C9orf43: variants seen among roughly 807,000 people sequenced by gnomAD.
The protein encoded by C9orf43 is chromosome 9 open reading frame 43.
Under a neutral mutation model 59.1 loss-of-function variants are expected in C9orf43, and 45 were observed. That is an observed-to-expected ratio of 0.76 (90% confidence interval 0.60 to 0.98). The LOEUF (loss-of-function observed/expected upper bound fraction) is 0.98. Ranked by LOEUF, C9orf43 falls within the 50% of genes least tolerant of loss-of-function variation. The pLI is 0.00. For missense variants in C9orf43, 533 were observed against 554.9 expected, an observed-to-expected ratio of 0.96 and a Z score of 0.40; for synonymous variants, 203 against 196.8, an observed-to-expected ratio of 1.03 and a Z score of -0.26.
Position 113,423,308 on chromosome 9 carries a change from C to G in C9orf43, c.484-18C>G. 1.2e-5 allele frequency: 19 copies of G among 1,611,498 alleles called. No individual in the cohort carries two copies. The highest frequency in any genetic ancestry group is 1.6e-5 in the Non-Finnish European group (19 of 1,177,980). Reference sequence around the variant, plus strand: ...AAAAGAATGCTTTGGAGAATTCTTTCCATTGTTTCTCTTCCAGAAAAGCAA... The same window carrying G: ...AAAAGAATGCTTTGGAGAATTCTTTGCATTGTTTCTCTTCCAGAAAAGCAA... On this transcript the variant is annotated intron_variant, in intron 6 of 13. Transcript: ENST00000374165.
chr9:113,428,794 G>T (rs1485394321), intron 12 of C9orf43, 106 bp from the exon 13 acceptor site: 5 of 983,452 alleles, frequency 5.1e-6, no homozygotes, highest in East Asian at 2.5e-5. Flanking sequence ...GTGGGTCTCT[G>T]GCTCATCTTA....
chr9:113,425,014 T>C lies in C9orf43; in HGVS notation c.808-5T>C. 6.2e-7 allele frequency: 1 copy of C among 1,610,108 alleles called. No individual in the cohort carries two copies. Among genetic ancestry groups the C allele is most frequent in the Non-Finnish European group, 8.5e-7 (1 of 1,179,682 alleles). On this transcript the variant is annotated splice_region_variant and splice_polypyrimidine_tract_variant and intron_variant, in intron 8 of 13. Transcript: ENST00000374165. ...AGCTTTTCTTTTTCTTTTTTCTTTC[T>C]CCAGAGACCAGCACTGCGATATCCT... is the stretch of plus-strand genomic sequence containing the variant.
chr9:113,426,935 G>A (rs1340265243), intron 11 of C9orf43, among the ~76,000 whole-genome samples: 6 of 152,096 alleles, frequency 3.9e-5, no homozygotes, highest in Non-Finnish European at 8.8e-5. Context: ...TCCTGATATG[G>A]GAAAGAACTC....
chr9:113,414,332 T>C (rs1828280151), intron 3 of C9orf43, among the ~76,000 whole-genome samples: 2 of 152,002 alleles, frequency 1.3e-5, no homozygotes, highest in Admixed American at 6.6e-5. Context: ...TAGAGTGCAA[T>C]GGTGCGATCA....
chr9:113,424,607 G>A (rs894847217), intron 8 of C9orf43, among the ~76,000 whole-genome samples: 16 of 151,190 alleles, frequency 1.1e-4, no homozygotes, highest in African/African-American at 3.6e-4. Context: ...GCTCACTGCA[G>A]CCTTGACCTG....
chr9:113,424,093 A>G, intron 7 of C9orf43, 73 bp from the exon 8 acceptor site: 1 of 1,508,210 alleles, frequency 6.6e-7, no homozygotes, highest in Admixed American at 2.4e-5. Flanking sequence ...AGCCCTTTAC[A>G]TCTCTTTCTC....
rs764069376 is a variant in C9orf43 at position 113,429,431 on chromosome 9, G to A, written c.*45G>A. The A allele has an allele frequency of 1.9e-5, 29 of 1,562,216 alleles. No individual in the cohort carries two copies. Among genetic ancestry groups the A allele is most frequent in the South Asian group, 9.0e-5 (8 of 89,042 alleles). On this transcript the variant is annotated 3_prime_UTR_variant, in exon 14 of 14. Transcript: ENST00000374165. Reference sequence around the variant, plus strand: ...ACTGAAGGCATCCCCTGGGGCAGCCGTGTTCCAAAGCGGGATGGCTGGTAT... The same window carrying A: ...ACTGAAGGCATCCCCTGGGGCAGCCATGTTCCAAAGCGGGATGGCTGGTAT...
intron 3 of C9orf43, among the ~76,000 whole-genome samples, chr9:113,416,829 T>C (rs768319051): frequency 3.9e-4 from 59 of 152,324 alleles, no homozygotes; most frequent in Middle Eastern, 3.4e-3. Flanking sequence ...CCTCCAGTTA[T>C]GACAACCAGA....
intron 5 of C9orf43, 118 bp downstream of exon 5, chr9:113,421,321 G>A: frequency 1.4e-6 from 1 of 706,354 alleles, no homozygotes; most frequent in Admixed American, 2.3e-5. Context: ...AGGAGGCCAA[G>A]CAGAGAAGGT....
At chr9:113,418,024 GAT>G (rs1286798496) in intron 3 of C9orf43, among the ~76,000 whole-genome samples, 3 of 152,104 alleles carry the variant, frequency 2.0e-5, no homozygotes, top group Non-Finnish European at 4.4e-5. Context: ...AATAGCAAGT[GAT>G]ATGAAAACAT....
At chr9:113,421,030 C>T (rs1828543433) in intron 4 of C9orf43, 73 bp from the exon 5 acceptor site, 2 of 1,208,366 alleles carry the variant, frequency 1.7e-6, no homozygotes, top group Non-Finnish European at 1.2e-6. Context: ...AGACTCTTTG[C>T]TTAGCATATC....
intron 11 of C9orf43, among the ~76,000 whole-genome samples, chr9:113,427,585 C>T (rs1828838713): frequency 6.6e-6 from 1 of 152,162 alleles, no homozygotes; most frequent in Non-Finnish European, 1.5e-5. Context: ...TTTTTTAAAG[C>T]TCTTCATTTC....
chr9:113,425,365 GGCAGCA>G lies in C9orf43; in HGVS notation c.903_908del (p.Gln303_Gln304del), dbSNP rs371732185. On this transcript the variant is annotated inframe_deletion, in exon 10 of 14. Coordinates refer to ENST00000374165, the MANE Select transcript of C9orf43 (RefSeq NM_001278629.2). Reference sequence around the variant, plus strand: ...CCAGGTTACAGGAAACAGCAGCAGCGGCAGCAGCAGCAGCAGCAGCAACAGAAGAAG... The same window carrying G: ...CCAGGTTACAGGAAACAGCAGCAGCGGCAGCAGCAGCAGCAACAGAAGAAG... 1.2e-4 allele frequency: 196 copies of G among 1,612,526 alleles called. 1 individual carries two copies. The South Asian group carries it at 1.9e-3, about 16-fold the overall frequency.
intron 10 of C9orf43, 87 bp from the exon 11 acceptor site, chr9:113,425,556 T>C: frequency 6.6e-7 from 1 of 1,510,994 alleles, no homozygotes; most frequent in Non-Finnish European, 9.0e-7. Context: ...TTGTAGATGT[T>C]AAATTCCTTC....
At chr9:113,413,332 C>T in intron 1 of C9orf43, 113 bp from the exon 2 acceptor site, 1 of 932,560 alleles carries the variant, frequency 1.1e-6, no homozygotes, top group East Asian at 2.9e-5. Context: ...TTGTGGCCAT[C>T]ATTTACCTAT....
In C9orf43 at chr9:113,429,004, G is replaced by A. The variant is rs754837047; in HGVS notation, c.1171+41G>A. 4 of 1,571,798 alleles carry A rather than the reference G, an allele frequency of 2.5e-6. No homozygotes were observed. In the South Asian group the frequency reaches 4.4e-5, roughly 17 times the overall value. ...AGAGGAACCTTAGTAAGTGACTGAG[G>A]ATAGGGAGAGTTGAACCTGTGTTGA... On this transcript the variant is annotated intron_variant, in intron 13 of 13. Transcript: ENST00000374165.
At chr9:113,425,301 G>T in intron 9 of C9orf43, 43 bp from the exon 10 acceptor site, 3 of 1,611,180 alleles carry the variant, frequency 1.9e-6, no homozygotes, top group Non-Finnish European at 2.5e-6. Context: ...GTGGGAGAGA[G>T]GGGGCTGTTA....
chr9:113,416,531 C>A (rs1239887648), intron 3 of C9orf43, among the ~76,000 whole-genome samples: 1 of 152,212 alleles, frequency 6.6e-6, no homozygotes, highest in Non-Finnish European at 1.5e-5. Context: ...ATCTGGCCTT[C>A]CTACTGGACC....
intron 3 of C9orf43, among the ~76,000 whole-genome samples, chr9:113,416,794 C>T (rs1225860977): frequency 6.6e-6 from 1 of 152,046 alleles, no homozygotes; most frequent in East Asian, 1.9e-4. Context: ...CTGGCCTGTA[C>T]CCATTGAATA....
Sources: gnomAD v4.1 joint callset for allele counts (sites outside exome capture counted in the v4.1 genomes callset) on GRCh38, gnomAD v4.1.1 for gene constraint, MANE v1.5 for transcripts, NCBI Gene and HGNC (gene_info 2026-07-23, HGNC 2026-07-21) for gene names.